The following TNS3 variants were observed in gnomAD, a reference collection of about 807,000 sequenced individuals.
TNS3 encodes the protein tensin-3.
A neutral mutation model predicts 140.9 loss-of-function variants in TNS3; 45 were observed. The observed-to-expected ratio is 0.32, with a 90% CI of 0.25 to 0.41. The LOEUF is 0.41. TNS3 is among the 10% of genes least tolerant of loss of function. The pLI, the probability that TNS3 is intolerant of heterozygous loss-of-function variation, is 1.00. For missense variants in TNS3, 1,716 were observed against 1,906.7 expected (o/e 0.90, Z 1.86); for synonymous variants, 815 against 788.4 (o/e 1.03, Z -0.56).
intron 16 of TNS3, among the ~76,000 whole-genome samples, chr7:47,373,077 G>T (rs925070069): frequency 6.6e-6 from 1 of 152,158 alleles, no homozygotes; most frequent in Non-Finnish European, 1.5e-5. Context: ...AGCCTCAGGG[G>T]GAGGGAAGGA....
intron 2 of TNS3, among the ~76,000 whole-genome samples, chr7:47,509,648 A>G (rs751402448): frequency 1.3e-5 from 2 of 152,038 alleles, no homozygotes; most frequent in African/African-American, 2.4e-5. Flanking sequence ...ATATGAATCA[A>G]ACAGTGCCCA....
chr7:47,489,822 C>T (rs1332790848), intron 3 of TNS3, among the ~76,000 whole-genome samples: 1 of 152,144 alleles, frequency 6.6e-6, no homozygotes, highest in African/African-American at 2.4e-5. Flanking sequence ...CAGGATCGCT[C>T]GGGGGCCCAA....
At chr7:47,414,372 C>T (rs1025026560) in intron 11 of TNS3, among the ~76,000 whole-genome samples, 20 of 152,172 alleles carry the variant, frequency 1.3e-4, no homozygotes, top group African/African-American at 4.3e-4. Context: ...ATGCGACTGG[C>T]GAGGAAGGGC....
At chr7:47,489,695 G>A (rs762588665) in intron 3 of TNS3, among the ~76,000 whole-genome samples, 28 of 152,240 alleles carry the variant, frequency 1.8e-4, no homozygotes, top group Non-Finnish European at 2.9e-4. Context: ...TCTCAGATCA[G>A]AAATCAAATG....
intron 1 of TNS3, among the ~76,000 whole-genome samples, chr7:47,536,808 C>T (rs1421582942): frequency 6.6e-6 from 1 of 152,196 alleles, no homozygotes; most frequent in African/African-American, 2.4e-5. Flanking sequence ...CACAGACGCG[C>T]GCTCACAAGC....
At chr7:47,359,970 G>A (rs544334123) in intron 17 of TNS3, among the ~76,000 whole-genome samples, 1 of 152,314 alleles carries the variant, frequency 6.6e-6, no homozygotes, top group South Asian at 2.1e-4. Flanking sequence ...CCTCTCAGCA[G>A]TGTCTTCAGA....
At position 47,400,898 on chromosome 7, in the gene TNS3, T is replaced by C. The variant is rs886075109; in HGVS notation, c.740A>G (p.Lys247Arg). The change falls in exon 14 of 31, where the codon AAG becomes AGG. Residue 247 changes from lysine (K) to arginine (R), a missense_variant. By Grantham distance (26) the Lys-to-Arg change is conservative (BLOSUM62 2). Transcript: ENST00000311160. The part of the protein sequence containing the change: ...KGDVMVKCYH[K>R]KYRSATRDVI... Reference sequence around the variant, plus strand: ...GTCACGGGTGGCCGAGCGGTATTTCTTGTGGTAGCATTTCACCTGGGTTAG... The same window carrying C: ...GTCACGGGTGGCCGAGCGGTATTTCCTGTGGTAGCATTTCACCTGGGTTAG... 1 of 1,614,128 alleles carries C rather than the reference T, an allele frequency of 6.2e-7. No homozygotes were observed. Among genetic ancestry groups the C allele is most frequent in the Non-Finnish European group, 8.5e-7 (1 of 1,180,028 alleles).
At chr7:47,295,899 G>C (rs141355840) in intron 24 of TNS3, among the ~76,000 whole-genome samples, 1 of 152,298 alleles carries the variant, frequency 6.6e-6, no homozygotes, top group East Asian at 1.9e-4. Context: ...AATTCTCTCA[G>C]GTATTAGGCA....
At chr7:47,299,789 T>C (rs1786276826) in intron 23 of TNS3, among the ~76,000 whole-genome samples, 1 of 152,182 alleles carries the variant, frequency 6.6e-6, no homozygotes. Flanking sequence ...GTGCTGAAGT[T>C]GGAAAAACGA....
chr7:47,375,837 C>G (rs1791350937), intron 16 of TNS3, among the ~76,000 whole-genome samples: 1 of 152,226 alleles, frequency 6.6e-6, no homozygotes, highest in African/African-American at 2.4e-5. Context: ...GTGTAATCCA[C>G]TGAACTGTCC....
chr7:47,346,173 G>C lies in TNS3; in HGVS notation c.2451+14C>G. On this transcript the variant is annotated intron_variant, in intron 18 of 30. Coordinates refer to ENST00000311160, the MANE Select transcript of TNS3 (RefSeq NM_022748.12). ...GAATGGGCCCAGAAACTGGGACCTG[G>C]CTGTGGCACATACCTCTTTGACGTC... 6.2e-7 allele frequency: 1 copy of C among 1,612,068 alleles called. No individual in the cohort carries two copies. Among genetic ancestry groups the C allele is most frequent in the South Asian group, 1.1e-5 (1 of 90,996 alleles).
At chr7:47,302,530 A>G (rs1786465554) in intron 22 of TNS3, among the ~76,000 whole-genome samples, 1 of 152,222 alleles carries the variant, frequency 6.6e-6, no homozygotes, top group Admixed American at 6.5e-5. Context: ...GGTAGTGAGG[A>G]AAGAGAGGGT....
At chr7:47,347,411 G>A (rs1009065756) in intron 17 of TNS3, among the ~76,000 whole-genome samples, 10 of 152,188 alleles carry the variant, frequency 6.6e-5, no homozygotes, top group Middle Eastern at 3.4e-3. Flanking sequence ...TGCAAAGGTC[G>A]GCATGATAAA....
chr7:47,449,962 T>A (rs945963033), intron 4 of TNS3, among the ~76,000 whole-genome samples: 3 of 152,188 alleles, frequency 2.0e-5, no homozygotes, highest in Non-Finnish European at 2.9e-5. Flanking sequence ...CTGTGAATTC[T>A]CGTCTGAGCT....
At chr7:47,456,294 G>C (rs186778371) in intron 4 of TNS3, among the ~76,000 whole-genome samples, 2 of 152,180 alleles carry the variant, frequency 1.3e-5, no homozygotes, top group East Asian at 3.9e-4. Flanking sequence ...AATCAGCAAT[G>C]GGGGGAGTAT....
chr7:47,473,458 A>G (rs930809460), intron 4 of TNS3, among the ~76,000 whole-genome samples: 1 of 152,244 alleles, frequency 6.6e-6, no homozygotes, highest in African/African-American at 2.4e-5. Context: ...TGGAAGGGGC[A>G]GCGGTGAATC....
In TNS3 at chr7:47,427,230, G is replaced by A. The variant is rs142285242; in HGVS notation, c.389+1082C>T. ...AATGTCTTTGGCATCATTGAGGGATGGATGTGCCCAGGAATCTCGATTTTC... is the reference window on the plus strand; with the variant it reads ...AATGTCTTTGGCATCATTGAGGGATAGATGTGCCCAGGAATCTCGATTTTC... On this transcript the variant is annotated intron_variant, in intron 9 of 30. Transcript: ENST00000311160. Among the ~76,000 whole-genome samples the A allele has an allele frequency of 2.0e-5, 3 of 151,746 alleles. No individual in the cohort carries two copies. In the East Asian group the frequency reaches 5.8e-4, roughly 29 times the overall value.
chr7:47,476,289 C>T (rs1257059607), intron 4 of TNS3, among the ~76,000 whole-genome samples: 1 of 152,214 alleles, frequency 6.6e-6, no homozygotes, highest in African/African-American at 2.4e-5. Context: ...TGGGACTCAA[C>T]CCAACTCTAG....
At position 47,398,647 on chromosome 7, in the gene TNS3, A is replaced by G. The variant is rs183977121; in HGVS notation, c.920-1743T>C. Among the ~76,000 whole-genome samples the G allele has an allele frequency of 3.5e-3, 535 of 152,330 alleles. 12 individuals are homozygous for G. Among genetic ancestry groups the G allele is most frequent in the Admixed American group, 0.023 (351 of 15,298 alleles). On this transcript the variant is annotated intron_variant, in intron 15 of 30. Transcript: ENST00000311160. ...TCCCTTTATGATAAAAACACTCAAC[A>G]AACTAGGCATAGAAGGGACTTACCT...
Sources: gnomAD v4.1 joint callset for allele counts (sites outside exome capture counted in the v4.1 genomes callset) on GRCh38, gnomAD v4.1.1 for gene constraint, MANE v1.5 for transcripts, NCBI Gene and HGNC (gene_info 2026-07-23, HGNC 2026-07-21) for gene names.